PRKN: variants seen among roughly 807,000 people sequenced by gnomAD.
The protein encoded by PRKN is E3 ubiquitin-protein ligase parkin.
Under a neutral mutation model 59.5 loss-of-function variants are expected in PRKN, and 56 were observed. That is an observed-to-expected ratio of 0.94 (90% CI 0.76 to 1.18). The LOEUF is 1.18. PRKN is among the 50% of genes most tolerant of loss of function. The pLI is 0.00. For synonymous variants in PRKN, 250 were observed against 222.1 expected, an observed-to-expected ratio of 1.13 and a Z score of -1.12; for missense variants, 657 against 596.4, an observed-to-expected ratio of 1.10 and a Z score of -1.06.
chr6:162,085,066 A>G (rs78869556), intron 4 of PRKN, among the ~76,000 whole-genome samples: 1 of 60,024 alleles, frequency 1.7e-5, no homozygotes, highest in Non-Finnish European at 3.2e-5. Flanking sequence ...CACACACACA[A>G]AGAGAGAGAC....
At chr6:161,449,892 A>G (rs1056542540) in intron 9 of PRKN, among the ~76,000 whole-genome samples, 1 of 152,188 alleles carries the variant, frequency 6.6e-6, no homozygotes, top group Non-Finnish European at 1.5e-5. Context: ...CTCCATTTCA[A>G]TGCACTGCCA....
chr6:162,249,905 G>A (rs1203832504), intron 3 of PRKN, among the ~76,000 whole-genome samples: 3 of 152,138 alleles, frequency 2.0e-5, no homozygotes, highest in Non-Finnish European at 4.4e-5. Flanking sequence ...AGCACTTTGG[G>A]AGGCCGAGGC....
chr6:161,887,529 C>T (rs1203080715), intron 6 of PRKN, among the ~76,000 whole-genome samples: 1 of 152,142 alleles, frequency 6.6e-6, no homozygotes, highest in Admixed American at 6.5e-5. Flanking sequence ...TTTTTCCTTT[C>T]AGCAAGTTAG....
intron 1 of PRKN, among the ~76,000 whole-genome samples, chr6:162,514,024 C>G (rs760998981): frequency 1.3e-5 from 2 of 150,682 alleles, no homozygotes; most frequent in Non-Finnish European, 3.0e-5. Context: ...CTAGCTTGGG[C>G]GACACAGCGA....
chr6:161,837,228 G>GT (rs1392668477), intron 6 of PRKN, among the ~76,000 whole-genome samples: 1 of 152,070 alleles, frequency 6.6e-6, no homozygotes, highest in African/African-American at 2.4e-5. Context: ...GTGGAAAATG[G>GT]TGTTGTCTGA....
At chr6:162,528,707 TCTAC>T (rs1778389173) in intron 1 of PRKN, among the ~76,000 whole-genome samples, 1 of 138,142 alleles carries the variant, frequency 7.2e-6, no homozygotes. Context: ...TCAGATTGAT[TCTAC>T]GAGTCCTGAA....
intron 7 of PRKN, among the ~76,000 whole-genome samples, chr6:161,608,791 C>A (rs766384451): frequency 3.9e-5 from 6 of 151,976 alleles, no homozygotes; most frequent in Non-Finnish European, 8.8e-5. Context: ...CCACCCGCCT[C>A]GGCCTCCCAA....
At chr6:162,218,103 C>T (rs970090674) in intron 3 of PRKN, among the ~76,000 whole-genome samples, 1 of 152,156 alleles carries the variant, frequency 6.6e-6, no homozygotes, top group African/African-American at 2.4e-5. Context: ...AGCCACAGCC[C>T]TCCAGAGGAA....
chr6:162,274,160 A>G (rs1373447297), intron 2 of PRKN, among the ~76,000 whole-genome samples: 1 of 151,776 alleles, frequency 6.6e-6, no homozygotes, highest in Admixed American at 6.6e-5. Flanking sequence ...TAATTTAATT[A>G]ATTAATTTAT....
At position 161,348,645 on chromosome 6, in the gene PRKN, T is replaced by G. The variant is rs893845769; in HGVS notation, c.*1454A>C. On this transcript the variant is annotated 3_prime_UTR_variant, in exon 12 of 12. Coordinates refer to ENST00000366898, the MANE Select transcript of PRKN (RefSeq NM_004562.3). The surrounding 1 kb of genome is among the most constrained non-coding windows in gnomAD (Gnocchi z 4.9). The stretch of plus-strand genomic sequence containing the variant: ...CTCTTCCCTCCAGCAAGGATTTCAG[T>G]GCTACATCTAAAAAGAGAAGCCCTG... 4.8e-6 allele frequency: 1 copy of G among 210,400 alleles called. No homozygotes were observed. Among genetic ancestry groups the G allele is most frequent in the East Asian group, 7.1e-5 (1 of 14,130 alleles). The allele number at this position is 210,400 out of a possible 1,614,324, so 13.0% of individuals were successfully genotyped here. A position where few individuals can be genotyped will look rare whatever the true frequency, so the allele number is the denominator to read the frequency against.
At chr6:161,827,664 C>T (rs1044502582) in intron 6 of PRKN, among the ~76,000 whole-genome samples, 2 of 151,776 alleles carry the variant, frequency 1.3e-5, no homozygotes, top group African/African-American at 4.8e-5. Context: ...TGTGCCACCA[C>T]ACCGGGCTAA....
At chr6:161,633,982 CAAATGGA>C (rs1018888674) in intron 7 of PRKN, among the ~76,000 whole-genome samples, 1 of 141,076 alleles carries the variant, frequency 7.1e-6, no homozygotes, top group African/African-American at 2.7e-5. Context: ...GGGCTTTAAC[CAAATGGA>C]AAACTTAAAC....
intron 1 of PRKN, among the ~76,000 whole-genome samples, chr6:162,541,659 C>G (rs1405745149): frequency 6.6e-6 from 1 of 152,142 alleles, no homozygotes; most frequent in Non-Finnish European, 1.5e-5. Context: ...AAACACATTT[C>G]TGAATCCCTG....
At chr6:162,513,689 T>C (rs1245403352) in intron 1 of PRKN, among the ~76,000 whole-genome samples, 3 of 152,010 alleles carry the variant, frequency 2.0e-5, no homozygotes, top group African/African-American at 7.2e-5. Context: ...GGAATAGCAA[T>C]TATGAATTGG....
chr6:161,540,539 T>A (rs1474895692), intron 9 of PRKN, among the ~76,000 whole-genome samples: 1 of 152,196 alleles, frequency 6.6e-6, no homozygotes, highest in Non-Finnish European at 1.5e-5. Flanking sequence ...CTTTCATTAG[T>A]TCTCTACAGA....
intron 3 of PRKN, among the ~76,000 whole-genome samples, chr6:162,250,358 C>T (rs7770788): frequency 0.22 from 33,274 of 152,012 alleles, 4,471 homozygotes; most frequent in African/African-American, 0.37. Context: ...GTAAAGATTT[C>T]CATCCAGTGT....
chr6:161,722,333 C>G (rs949592893), intron 7 of PRKN, among the ~76,000 whole-genome samples: 1 of 152,156 alleles, frequency 6.6e-6, no homozygotes, highest in African/African-American at 2.4e-5. Context: ...TATCATTGTA[C>G]TTAGTATATT....
chr6:161,497,578 C>CTCA lies in PRKN; in HGVS notation c.1083+51275_1083+51276insTGA, dbSNP rs201774375. 1.8e-5 allele frequency among the ~76,000 whole-genome samples: 2 copies of CTCA among 109,738 alleles called. No individual in the cohort carries two copies. Among genetic ancestry groups the CTCA allele is most frequent in the South Asian group, 4.5e-4 (2 of 4,442 alleles). 72.0% of individuals were successfully genotyped at this position (109,738 alleles called of 152,430 possible). ...TGTCTCTCTCTCTCTCTCTCTCTCTCACACACACACACACACACACCATAT... is the reference window on the plus strand; with the variant it reads ...TGTCTCTCTCTCTCTCTCTCTCTCTCTCAACACACACACACACACACACCATAT... On this transcript the variant is annotated intron_variant, in intron 9 of 11. Transcript: ENST00000366898. The surrounding 1 kb of genome is among the most constrained non-coding windows in gnomAD (Gnocchi z 4.6).
At chr6:161,864,260 T>C (rs1794023674) in intron 6 of PRKN, among the ~76,000 whole-genome samples, 1 of 152,326 alleles carries the variant, frequency 6.6e-6, no homozygotes, top group African/African-American at 2.4e-5. Context: ...TAAGTGTATG[T>C]AATATTCTAA....
Sources: gnomAD v4.1 joint callset for allele counts (sites outside exome capture counted in the v4.1 genomes callset) on GRCh38, gnomAD v4.1.1 for gene constraint, Gnocchi (gnomAD v3.1) non-coding constraint, MANE v1.5 for transcripts, NCBI Gene and HGNC (gene_info 2026-07-23, HGNC 2026-07-21) for gene names.